TMEM244: variants seen among roughly 807,000 people sequenced by gnomAD.
TMEM244 encodes the protein transmembrane protein 244.
Under a neutral mutation model 15.8 loss-of-function variants are expected in TMEM244, and 13 were observed. The ratio of observed to expected loss-of-function variants is 0.82; its 90% confidence interval spans 0.53 to 1.30. The LOEUF (loss-of-function observed/expected upper bound fraction) is 1.30. Among genes scored for constraint, TMEM244 ranks in the 50% most tolerant of loss-of-function variants. TMEM244 has a pLI of 0.00. For missense variants in TMEM244, 161 were observed against 144.9 expected, an observed-to-expected ratio of 1.11 and a Z score of -0.57; for synonymous variants, 45 against 48.7, an observed-to-expected ratio of 0.92 and a Z score of 0.32.
chr6:129,853,008 A>G (rs547766014), intron 1 of TMEM244, among the ~76,000 whole-genome samples: 8 of 152,262 alleles, frequency 5.3e-5, no homozygotes, highest in African/African-American at 9.6e-5. Context: ...GAAGTTGAAA[A>G]AACAAATGAG....
intron 1 of TMEM244, among the ~76,000 whole-genome samples, chr6:129,852,221 A>G (rs1776644733): frequency 6.6e-6 from 1 of 152,166 alleles, no homozygotes; most frequent in Non-Finnish European, 1.5e-5. Context: ...CTTTTTTGGT[A>G]ATAATTTTTT....
chr6:129,853,127 A>G (rs2114644795), intron 1 of TMEM244, among the ~76,000 whole-genome samples: 1 of 152,332 alleles, frequency 6.6e-6, no homozygotes. Flanking sequence ...AAACACAAGA[A>G]CATCTCACAA....
intron 1 of TMEM244, among the ~76,000 whole-genome samples, chr6:129,856,599 G>T (rs907530298): frequency 6.6e-6 from 1 of 152,006 alleles, no homozygotes; most frequent in African/African-American, 2.4e-5. Context: ...ATGTTCAAAT[G>T]TATAAACTTG....
At chr6:129,845,898 C>G in intron 1 of TMEM244, 46 bp from the exon 2 acceptor site, 1 of 1,296,030 alleles carries the variant, frequency 7.7e-7, no homozygotes, top group Non-Finnish European at 1.1e-6. Context: ...GGATTTTTCA[C>G]ATGGTCTTTG....
intron 1 of TMEM244, among the ~76,000 whole-genome samples, chr6:129,854,271 C>A (rs568842311): frequency 6.6e-6 from 1 of 152,076 alleles, no homozygotes; most frequent in African/African-American, 2.4e-5. Flanking sequence ...GAAGGCTGGC[C>A]CTACCGGACA....
At chr6:129,856,129 ATAAT>A (rs1478907550) in intron 1 of TMEM244, among the ~76,000 whole-genome samples, 3 of 151,858 alleles carry the variant, frequency 2.0e-5, no homozygotes, top group Admixed American at 1.3e-4. Context: ...TCTGAGTGCC[ATAAT>A]TAATTAACAT....
intron 1 of TMEM244, among the ~76,000 whole-genome samples, chr6:129,848,254 G>A (rs1700337633): frequency 6.6e-6 from 1 of 152,166 alleles, no homozygotes; most frequent in Non-Finnish European, 1.5e-5. Context: ...GTGTGCAAAA[G>A]AGACATTCTT....
intron 1 of TMEM244, among the ~76,000 whole-genome samples, chr6:129,854,546 G>C (rs1168488821): frequency 6.6e-6 from 1 of 152,158 alleles, no homozygotes; most frequent in Non-Finnish European, 1.5e-5. Flanking sequence ...CTGTGTACTT[G>C]TCTAGATGAG....
Position 129,850,317 on chromosome 6 carries a change from G to A in TMEM244, c.34-4465C>T, listed in dbSNP as rs1161499291. On this transcript the variant is annotated intron_variant, in intron 1 of 4. Coordinates refer to ENST00000368143, the MANE Select transcript of TMEM244 (RefSeq NM_001010876.2). The stretch of plus-strand genomic sequence containing the variant: ...TGAGGAATTTTGCATGTCTCTGAAG[G>A]CCCTGGGGAGACTGAAAGATTTAAG... 2.0e-5 allele frequency among the ~76,000 whole-genome samples: 3 copies of A among 152,142 alleles called. No individual in the cohort carries two copies. In the East Asian group the frequency reaches 5.8e-4, roughly 29 times the overall value.
At chr6:129,861,019 G>C (rs1033493342) in intron 1 of TMEM244, 137 bp downstream of exon 1, 2 of 856,164 alleles carry the variant, frequency 2.3e-6, no homozygotes, top group Non-Finnish European at 3.7e-6. Flanking sequence ...CCGTGCAGCA[G>C]AATGTTTTCT....
chr6:129,835,858 G>A (rs1316407214), intron 3 of TMEM244, among the ~76,000 whole-genome samples: 8 of 128,810 alleles, frequency 6.2e-5, no homozygotes, highest in Non-Finnish European at 1.3e-4. Context: ...GGAGATGGGC[G>A]TCTGCATTGC....
chr6:129,855,793 A>T (rs902527262), intron 1 of TMEM244, among the ~76,000 whole-genome samples: 2 of 152,140 alleles, frequency 1.3e-5, no homozygotes, highest in African/African-American at 4.8e-5. Flanking sequence ...CAGTTTGATC[A>T]CTTGGTAAAG....
At chr6:129,860,897 G>A (rs1392775388) in intron 1 of TMEM244, among the ~76,000 whole-genome samples, 1 of 151,806 alleles carries the variant, frequency 6.6e-6, no homozygotes, top group African/African-American at 2.4e-5. Context: ...TAATACCAGA[G>A]AGCTTACCTC....
At position 129,837,777 on chromosome 6, in the gene TMEM244, C is replaced by T. The variant is rs535989788; in HGVS notation, c.194-4192G>A. ...AAAAAAAGCGGGTTACAATCTTAGT[C>T]TCTGATACAACAGACTTTAAACCAA... On this transcript the variant is annotated intron_variant, in intron 3 of 4. Coordinates refer to ENST00000368143, the MANE Select transcript of TMEM244 (RefSeq NM_001010876.2). 9.9e-5 allele frequency among the ~76,000 whole-genome samples: 15 copies of T among 152,232 alleles called. No homozygotes were observed. The East Asian group carries it at 2.7e-3, about 27-fold the overall frequency.
intron 2 of TMEM244, 23 bp from the exon 3 acceptor site, chr6:129,843,626 C>T (rs773774896): frequency 5.1e-5 from 80 of 1,565,534 alleles, no homozygotes; most frequent in Non-Finnish European, 6.8e-5. Context: ...TAAGTGAAAA[C>T]AGTTTACTCT....
At chr6:129,846,259 C>A (rs539650680) in intron 1 of TMEM244, among the ~76,000 whole-genome samples, 1 of 152,194 alleles carries the variant, frequency 6.6e-6, no homozygotes, top group Admixed American at 6.5e-5. Flanking sequence ...CTTCAAATAA[C>A]ATTTTAATTT....
chr6:129,852,791 T>G (rs944734619), intron 1 of TMEM244, among the ~76,000 whole-genome samples: 2 of 152,048 alleles, frequency 1.3e-5, no homozygotes, highest in Admixed American at 6.6e-5. Context: ...CACAAACCAT[T>G]CTAGGTAATC....
chr6:129,857,351 T>C (rs1188464819), intron 1 of TMEM244, among the ~76,000 whole-genome samples: 4 of 151,672 alleles, frequency 2.6e-5, no homozygotes, highest in East Asian at 1.9e-4. Context: ...CATATATATA[T>C]ACATATATAA....
intron 1 of TMEM244, among the ~76,000 whole-genome samples, chr6:129,860,087 A>G (rs1449629452): frequency 1.3e-5 from 2 of 148,890 alleles, no homozygotes; most frequent in African/African-American, 5.0e-5. Flanking sequence ...AACTATCTGG[A>G]TATTTTCTCT....
Sources: gnomAD v4.1 joint callset for allele counts (sites outside exome capture counted in the v4.1 genomes callset) on GRCh38, gnomAD v4.1.1 for gene constraint, MANE v1.5 for transcripts, NCBI Gene and HGNC (gene_info 2026-07-23, HGNC 2026-07-21) for gene names.